Variants in NUP62CL observed in about 807,000 individuals in gnomAD.
The protein encoded by NUP62CL is nucleoporin-62 C-terminal-like protein.
NUP62CL carries 13 observed loss-of-function variants against 15.3 expected under a neutral mutation model. The observed-to-expected ratio is 0.85, with a 90% confidence interval of 0.55 to 1.35. The LOEUF (loss-of-function observed/expected upper bound fraction) is 1.35, where lower values mean the gene tolerates loss of function less well. Ranked by LOEUF, NUP62CL falls within the 40% of genes most tolerant of loss-of-function variation. NUP62CL has a pLI of 0.00. For synonymous variants in NUP62CL, 54 were observed against 49.2 expected (o/e 1.10, Z -0.41); for missense variants, 123 against 130.6 (o/e 0.94, Z 0.28).
chrX:107,193,543 T>C (rs1927294715), intron 1 of NUP62CL, among the ~76,000 whole-genome samples: 1 of 111,941 alleles, frequency 8.9e-6, no homozygotes, highest in Admixed American at 9.5e-5. Context: ...ATGGCTCAAA[T>C]TCAATTTATG....
intron 8 of NUP62CL, among the ~76,000 whole-genome samples, chrX:107,144,427 T>C (rs776569012): frequency 2.7e-5 from 3 of 111,964 alleles, no homozygotes; most frequent in African/African-American, 9.7e-5. Flanking sequence ...CCACAGTTTC[T>C]CCATTTAAAT....
At chrX:107,161,723 T>C (rs1339423371) in intron 4 of NUP62CL, among the ~76,000 whole-genome samples, 2 of 95,203 alleles carry the variant, frequency 2.1e-5, no homozygotes, top group South Asian at 1.1e-3. Flanking sequence ...CACGTATACA[T>C]ATGTAACTAA....
intron 8 of NUP62CL, among the ~76,000 whole-genome samples, chrX:107,141,631 T>C (rs1164636732): frequency 9.0e-6 from 1 of 111,720 alleles, no homozygotes; most frequent in Non-Finnish European, 1.9e-5. Context: ...GAAACAACCT[T>C]GCTCAGTAAA....
intron 8 of NUP62CL, among the ~76,000 whole-genome samples, chrX:107,145,515 C>G (rs906266743): frequency 9.0e-6 from 1 of 111,168 alleles, no homozygotes; most frequent in African/African-American, 3.3e-5. Context: ...TAACATTTTG[C>G]CACAAATTGC....
At chrX:107,172,395 G>T (rs1478853876) in intron 3 of NUP62CL, among the ~76,000 whole-genome samples, 1 of 111,482 alleles carries the variant, frequency 9.0e-6, no homozygotes, top group Admixed American at 9.5e-5. Flanking sequence ...AAACGGGATT[G>T]ACTTTTAGTT....
chrX:107,131,342 G>A (rs913434908), intron 8 of NUP62CL, among the ~76,000 whole-genome samples: 3 of 111,465 alleles, frequency 2.7e-5, no homozygotes, highest in Non-Finnish European at 5.7e-5. Flanking sequence ...GTCTTTTGCT[G>A]AGAAAAAGAA....
At chrX:107,178,920 C>A (rs1372134341) in intron 2 of NUP62CL, among the ~76,000 whole-genome samples, 1 of 108,784 alleles carries the variant, frequency 9.2e-6, no homozygotes, top group South Asian at 4.1e-4. Context: ...GGTGAAACCC[C>A]GTCTCTACTA....
chrX:107,146,707 A>G (rs1925890618), intron 8 of NUP62CL, among the ~76,000 whole-genome samples: 1 of 111,161 alleles, frequency 9.0e-6, no homozygotes, highest in Non-Finnish European at 1.9e-5. Context: ...ATAATCTGTT[A>G]CTACTACTAT....
intron 2 of NUP62CL, among the ~76,000 whole-genome samples, chrX:107,178,731 G>A (rs1370171883): frequency 8.9e-6 from 1 of 111,733 alleles, no homozygotes; most frequent in Admixed American, 9.5e-5. Flanking sequence ...GAGATGTGGG[G>A]AAGGAATTGG....
In NUP62CL at chrX:107,124,303, T is replaced by C; in HGVS notation, c.*72A>G. 2.9e-6 allele frequency: 1 copy of C among 341,853 alleles called. No individual in the cohort carries two copies. Among genetic ancestry groups the C allele is most frequent in the Non-Finnish European group, 5.9e-6 (1 of 170,050 alleles). 28.2% of individuals were successfully genotyped at this position (341,853 alleles called of 1,213,427 possible). A position where few individuals can be genotyped will look rare whatever the true frequency, so the allele number is the denominator to read the frequency against. On this transcript the variant is annotated 3_prime_UTR_variant, in exon 9 of 9. Coordinates refer to ENST00000372466, the MANE Select transcript of NUP62CL (RefSeq NM_017681.3). ...TGACGATAATCCTCGAAAACCCGTGTTACCACTTCTACCTTCCTTCGCAGC... is the reference window on the plus strand; with the variant it reads ...TGACGATAATCCTCGAAAACCCGTGCTACCACTTCTACCTTCCTTCGCAGC...
In NUP62CL at chrX:107,157,724, C is replaced by A. The variant is rs1391350240; in HGVS notation, c.195-3478G>T. Reference sequence around the variant, plus strand: ...ACTAGGAAGAAACTGCATCAACTAACGAGCAAAATCACCAGCTAACATCAT... The same window carrying A: ...ACTAGGAAGAAACTGCATCAACTAAAGAGCAAAATCACCAGCTAACATCAT... On this transcript the variant is annotated intron_variant, in intron 4 of 8. Transcript: ENST00000372466. Among the ~76,000 whole-genome samples the A allele has an allele frequency of 2.7e-5, 3 of 109,554 alleles. No homozygotes were observed. The East Asian group carries it at 8.6e-4, about 31-fold the overall frequency.
At chrX:107,185,120 C>T (rs1323062916) in intron 2 of NUP62CL, among the ~76,000 whole-genome samples, 1 of 100,850 alleles carries the variant, frequency 9.9e-6, no homozygotes, top group Non-Finnish European at 2.0e-5. Context: ...TGGCGTGTAC[C>T]CCGGAGGCGG....
intron 4 of NUP62CL, among the ~76,000 whole-genome samples, chrX:107,163,547 T>C (rs1217736605): frequency 9.0e-6 from 1 of 111,525 alleles, no homozygotes; most frequent in Non-Finnish European, 1.9e-5. Flanking sequence ...AACATACCAA[T>C]TAAAATACAG....
At chrX:107,204,301 G>A (rs1440558463) in intron 1 of NUP62CL, among the ~76,000 whole-genome samples, 1 of 111,138 alleles carries the variant, frequency 9.0e-6, no homozygotes, top group East Asian at 2.8e-4. Flanking sequence ...GCACAATCCT[G>A]GGAAAGTCAC....
At chrX:107,171,941 G>A (rs779992189) in intron 3 of NUP62CL, among the ~76,000 whole-genome samples, 57 of 109,718 alleles carry the variant, frequency 5.2e-4, no homozygotes, top group Non-Finnish European at 8.9e-4. Context: ...AACTTGTAAT[G>A]TTCTTATGAC....
chrX:107,187,182 GA>G (rs764556055), intron 2 of NUP62CL, among the ~76,000 whole-genome samples: 1 of 110,833 alleles, frequency 9.0e-6, no homozygotes, highest in East Asian at 2.8e-4. Context: ...CAAAATTTGT[GA>G]GACACAAAGC....
At chrX:107,125,085 C>T (rs772821586) in intron 8 of NUP62CL, among the ~76,000 whole-genome samples, 1 of 111,675 alleles carries the variant, frequency 9.0e-6, no homozygotes, top group East Asian at 2.8e-4. Context: ...TCCACTTCTG[C>T]CACACTTGAG....
intron 8 of NUP62CL, among the ~76,000 whole-genome samples, chrX:107,142,040 G>A (rs1051381178): frequency 9.1e-6 from 1 of 109,409 alleles, no homozygotes; most frequent in Non-Finnish European, 1.9e-5. Flanking sequence ...ACAGAGTGAG[G>A]CTCTGTCTCA....
chrX:107,151,535 A>ACT (rs1926011561), intron 7 of NUP62CL, among the ~76,000 whole-genome samples: 1 of 109,624 alleles, frequency 9.1e-6, no homozygotes, highest in African/African-American at 3.3e-5. Flanking sequence ...ACACACACAC[A>ACT]CACACACACA....
Sources: gnomAD v4.1 joint callset for allele counts (sites outside exome capture counted in the v4.1 genomes callset) on GRCh38, gnomAD v4.1.1 for gene constraint, MANE v1.5 for transcripts, NCBI Gene and HGNC (gene_info 2026-07-23, HGNC 2026-07-21) for gene names.